NSUN2: variants seen among roughly 807,000 people sequenced by gnomAD.
NSUN2 encodes the protein NOP2/Sun RNA methyltransferase 2, also known as RNA cytosine C(5)-methyltransferase NSUN2.
Under a neutral mutation model 92.7 loss-of-function variants are expected in NSUN2, and 63 were observed. The ratio of observed to expected loss-of-function variants is 0.68; its 90% confidence interval spans 0.56 to 0.84. The LOEUF is 0.84. Among genes scored for constraint, NSUN2 ranks in the 40% least tolerant of loss-of-function variants. The probability of loss-of-function intolerance (pLI) is 0.00; values close to 1 mark genes in which losing one functional copy is unlikely to be tolerated. For missense variants in NSUN2, 989 were observed against 964.9 expected, an observed-to-expected ratio of 1.02 and a Z score of -0.33; for synonymous variants, 356 against 348.3, an observed-to-expected ratio of 1.02 and a Z score of -0.25.
At chr5:6,621,057 G>A (rs943222843) in intron 6 of NSUN2, 1 of 152,164 alleles carries the variant, frequency 6.6e-6, no homozygotes, top group Admixed American at 6.5e-5. Flanking sequence ...TAACAAATAT[G>A]CCTATTAAAA....
chr5:6,625,434 C>A, intron 4 of NSUN2, 130 bp downstream of exon 4: 2 of 647,742 alleles, frequency 3.1e-6, no homozygotes, highest in South Asian at 3.8e-5. Flanking sequence ...GGTGCACACA[C>A]TGCAGTTGTC....
chr5:6,611,622 A>G lies in NSUN2; in HGVS notation c.1095+103T>C. ...GATTCTAATTGGCATAACCAGATGT[A>G]GTATTTATTCAAGTTACTCACACGT... On this transcript the variant is annotated intron_variant, in intron 10 of 18. Transcript: ENST00000264670. 3.6e-6 allele frequency: 3 copies of G among 826,158 alleles called. No individual in the cohort carries two copies. The East Asian group carries it at 7.8e-5, about 22-fold the overall frequency. 51.2% of individuals were successfully genotyped at this position (826,158 alleles called of 1,614,324 possible). A position where few individuals can be genotyped will look rare whatever the true frequency, so the allele number is the denominator to read the frequency against.
At chr5:6,624,740 A>G (rs1227532112) in intron 4 of NSUN2, among the ~76,000 whole-genome samples, 4 of 152,204 alleles carry the variant, frequency 2.6e-5, no homozygotes, top group Non-Finnish European at 5.9e-5. Context: ...GGTTACTTAG[A>G]TGACAGAAGG....
At chr5:6,602,702 G>A (rs1389721834) in intron 17 of NSUN2, among the ~76,000 whole-genome samples, 1 of 152,212 alleles carries the variant, frequency 6.6e-6, no homozygotes, top group African/African-American at 2.4e-5. Flanking sequence ...CAGTAGGGAC[G>A]ATCTGGAAGA....
chr5:6,629,687 C>T (rs1460627000), intron 3 of NSUN2, among the ~76,000 whole-genome samples: 1 of 152,192 alleles, frequency 6.6e-6, no homozygotes, highest in Non-Finnish European at 1.5e-5. Context: ...TGTGTTCCCA[C>T]CCCAATTTCA....
intron 10 of NSUN2, 69 bp from the exon 11 acceptor site, chr5:6,611,154 A>T: frequency 6.4e-7 from 1 of 1,551,760 alleles, no homozygotes; most frequent in South Asian, 1.2e-5. Context: ...ACAGGGCAGG[A>T]GTATCCATTC....
chr5:6,632,188 T>C (rs911259315), intron 2 of NSUN2, among the ~76,000 whole-genome samples: 1 of 145,622 alleles, frequency 6.9e-6, no homozygotes, highest in African/African-American at 2.6e-5. Context: ...GCATTCCTTC[T>C]CTCCTAAGCA....
intron 9 of NSUN2, among the ~76,000 whole-genome samples, chr5:6,613,466 TC>T (rs1737081803): frequency 6.6e-6 from 1 of 152,150 alleles, no homozygotes. Context: ...GACCAAGAAC[TC>T]CCTCCACCCC....
chr5:6,608,244 C>T (rs1736860010), intron 12 of NSUN2, among the ~76,000 whole-genome samples: 1 of 152,254 alleles, frequency 6.6e-6, no homozygotes, highest in Non-Finnish European at 1.5e-5. Context: ...CCCTTCCTGT[C>T]CAACCTCAGC....
At chr5:6,622,344 T>TA (rs925171719) in intron 5 of NSUN2, among the ~76,000 whole-genome samples, 2 of 152,142 alleles carry the variant, frequency 1.3e-5, no homozygotes, top group Non-Finnish European at 2.9e-5. Flanking sequence ...AGACTAAATA[T>TA]AGAGATGAAC....
At chr5:6,617,409 A>T (rs1737254085) in intron 8 of NSUN2, among the ~76,000 whole-genome samples, 1 of 152,248 alleles carries the variant, frequency 6.6e-6, no homozygotes, top group South Asian at 2.1e-4. Context: ...TACAGACAGC[A>T]TGATCAAAAG....
At chr5:6,606,731 C>T (rs1579357473) in intron 14 of NSUN2, 89 bp downstream of exon 14, 6 of 658,812 alleles carry the variant, frequency 9.1e-6, no homozygotes, top group Middle Eastern at 3.8e-4. Flanking sequence ...GAACTACATA[C>T]AAAACAATGG....
chr5:6,612,768 G>A (rs143188550), intron 9 of NSUN2, among the ~76,000 whole-genome samples: 6 of 152,238 alleles, frequency 3.9e-5, no homozygotes, highest in African/African-American at 1.2e-4. Flanking sequence ...GCAAACATGC[G>A]GGCTTCTCCA....
intron 17 of NSUN2, among the ~76,000 whole-genome samples, chr5:6,603,230 T>G (rs1736626869): frequency 6.6e-6 from 1 of 151,990 alleles, no homozygotes; most frequent in Admixed American, 6.6e-5. Context: ...GTCACTGGAG[T>G]GATCTGAAGT....
chr5:6,616,739 C>T lies in NSUN2; in HGVS notation c.1009G>A (p.Glu337Lys). 1 of 1,441,702 alleles carries T rather than the reference C, an allele frequency of 6.9e-7. No homozygotes were observed. Among genetic ancestry groups the T allele is most frequent in the Non-Finnish European group, 9.2e-7 (1 of 1,091,438 alleles). 89.3% of individuals were successfully genotyped at this position (1,441,702 alleles called of 1,614,324 possible). A position where few individuals can be genotyped will look rare whatever the true frequency, so the allele number is the denominator to read the frequency against. The change falls in exon 9 of 19, where the codon GAA becomes AAA. Residue 337 changes from glutamate to lysine, a missense_variant. Glu to Lys is a moderately conservative substitution (Grantham distance 56). Around this residue, in one of 3 missense-constraint regions of NSUN2, gnomAD observed 626 missense variants for 602.3 expected, o/e 1.04. Coordinates refer to ENST00000264670, the MANE Select transcript of NSUN2 (RefSeq NM_017755.6). ...CAAGCGTGCTTACCTTCACTTTTTT[C>T]CAGTAAAGATGCTATGACTGCTTCA... ...EDEAVIASLL[E>K]KSEGALELAD...
At position 6,630,561 on chromosome 5, in the gene NSUN2, C is replaced by T. The variant is rs115946887; in HGVS notation, c.359+1312G>A. On this transcript the variant is annotated intron_variant, in intron 3 of 18. Coordinates refer to ENST00000264670, the MANE Select transcript of NSUN2 (RefSeq NM_017755.6). Reference sequence around the variant, plus strand: ...CAACACATTCCATGATGGTGATATTCGGTCTTGATACTGGTTGAATACTGA... The same window carrying T: ...CAACACATTCCATGATGGTGATATTTGGTCTTGATACTGGTTGAATACTGA... 7.5e-3 allele frequency among the ~76,000 whole-genome samples: 1,149 copies of T among 152,268 alleles called. 5 individuals are homozygous for T. The highest frequency in any genetic ancestry group is 0.011 in the Non-Finnish European group (782 of 68,026).
chr5:6,630,306 A>G (rs1737824088), intron 3 of NSUN2, among the ~76,000 whole-genome samples: 1 of 152,118 alleles, frequency 6.6e-6, no homozygotes, highest in Non-Finnish European at 1.5e-5. Flanking sequence ...TGGCATATCT[A>G]TTCTTTTTTC....
Position 6,607,186 on chromosome 5 carries a change from A to G in NSUN2, c.1508+14T>C, listed in dbSNP as rs1270683779. 2.5e-6 allele frequency: 4 copies of G among 1,613,030 alleles called. No homozygotes were observed. The highest frequency in any genetic ancestry group is 3.3e-5 in the Admixed American group (2 of 59,998). ...CACCAGCGTATTAGATCAAGACATA[A>G]CCACTTTTCTTACCCACACACGCCA... On this transcript the variant is annotated intron_variant, in intron 13 of 18. Coordinates refer to ENST00000264670, the MANE Select transcript of NSUN2 (RefSeq NM_017755.6).
At chr5:6,603,973 C>G in intron 17 of NSUN2, 165 bp downstream of exon 17, 1 of 645,338 alleles carries the variant, frequency 1.5e-6, no homozygotes. Context: ...CCTTAGCATT[C>G]TGAACTGTCA....
Sources: gnomAD v4.1 joint callset for allele counts (sites outside exome capture counted in the v4.1 genomes callset) on GRCh38, gnomAD v4.1.1 for gene constraint, gnomAD v4.1.1 regional missense constraint, MANE v1.5 for transcripts, NCBI Gene and HGNC (gene_info 2026-07-23, HGNC 2026-07-21) for gene names.